The following TNRC18 variants were observed in gnomAD, a reference collection of about 807,000 sequenced individuals.
TNRC18 encodes the protein trinucleotide repeat-containing gene 18 protein.
Under a neutral mutation model 226.7 loss-of-function variants are expected in TNRC18, and 69 were observed. That is an observed-to-expected ratio of 0.30 (90% CI 0.25 to 0.37). The LOEUF (loss-of-function observed/expected upper bound fraction) is 0.37. Among genes scored for constraint, TNRC18 ranks in the 10% least tolerant of loss-of-function variants. The pLI, the probability that TNRC18 is intolerant of heterozygous loss-of-function variation, is 1.00. For missense variants in TNRC18, 4,754 were observed against 4,256.6 expected, an observed-to-expected ratio of 1.12 and a Z score of -3.25; for synonymous variants, 2,449 against 1,927.6, an observed-to-expected ratio of 1.27 and a Z score of -7.09.
At chr7:5,366,033 T>C (rs2128166770) in intron 11 of TNRC18, among the ~76,000 whole-genome samples, 1 of 152,228 alleles carries the variant, frequency 6.6e-6, no homozygotes, top group Admixed American at 6.5e-5. Context: ...AACCATATTC[T>C]CTATTGGCAG....
intron 3 of TNRC18, among the ~76,000 whole-genome samples, chr7:5,391,348 G>A (rs1466004878): frequency 2.0e-5 from 3 of 151,106 alleles, no homozygotes; most frequent in Admixed American, 2.0e-4. Flanking sequence ...GTCTTACTCT[G>A]TGGCCCAGGC....
chr7:5,360,356 A>G (rs1374192724), intron 14 of TNRC18, among the ~76,000 whole-genome samples: 3 of 151,804 alleles, frequency 2.0e-5, no homozygotes, highest in Admixed American at 6.6e-5. Context: ...CAGCCTCCCA[A>G]ATAGCTGGGA....
chr7:5,417,576 G>A (rs1220777782), intron 2 of TNRC18, among the ~76,000 whole-genome samples: 1 of 152,224 alleles, frequency 6.6e-6, no homozygotes, highest in Non-Finnish European at 1.5e-5. Context: ...AGAGACTTCT[G>A]TCTGTTGGGT....
chr7:5,331,712 C>T (rs774018328), intron 19 of TNRC18, among the ~76,000 whole-genome samples: 1 of 152,120 alleles, frequency 6.6e-6, no homozygotes, highest in East Asian at 1.9e-4. Flanking sequence ...GAGTTTGAGA[C>T]CAGCCTGGGC....
intron 11 of TNRC18, among the ~76,000 whole-genome samples, chr7:5,366,037 T>C (rs189192901): frequency 7.9e-5 from 12 of 152,210 alleles, no homozygotes; most frequent in South Asian, 2.1e-4. Flanking sequence ...ATATTCTCTA[T>C]TGGCAGTGTG....
intron 2 of TNRC18, among the ~76,000 whole-genome samples, chr7:5,419,531 T>C (rs1379228893): frequency 6.6e-6 from 1 of 152,006 alleles, no homozygotes; most frequent in Non-Finnish European, 1.5e-5. Context: ...ATGGTCTCTG[T>C]ACCCCAGGGC....
intron 3 of TNRC18, among the ~76,000 whole-genome samples, chr7:5,391,606 C>T (rs982970634): frequency 4.0e-5 from 6 of 151,802 alleles, no homozygotes; most frequent in African/African-American, 1.2e-4. Flanking sequence ...CCACCACATC[C>T]GGCTCAGAAT....
At chr7:5,311,427 T>C (rs1436284637) in intron 27 of TNRC18, among the ~76,000 whole-genome samples, 3 of 152,218 alleles carry the variant, frequency 2.0e-5, no homozygotes, top group African/African-American at 7.2e-5. Context: ...AGCTTCAATC[T>C]GGACTTTTGC....
chr7:5,379,960 G>T (rs1163675149), intron 5 of TNRC18, among the ~76,000 whole-genome samples: 1 of 152,202 alleles, frequency 6.6e-6, no homozygotes, highest in Non-Finnish European at 1.5e-5. Context: ...ACCGCCAGCT[G>T]CAATGTCAGG....
chr7:5,357,832 C>T (rs1049173124), intron 15 of TNRC18, among the ~76,000 whole-genome samples: 8 of 152,124 alleles, frequency 5.3e-5, no homozygotes, highest in Non-Finnish European at 1.0e-4. Flanking sequence ...GTCTGGGTAT[C>T]GCAAGGTGCT....
At chr7:5,364,702 G>T (rs1169047579) in intron 11 of TNRC18, among the ~76,000 whole-genome samples, 1 of 151,208 alleles carries the variant, frequency 6.6e-6, no homozygotes, top group East Asian at 1.9e-4. Context: ...TACTTGGGAG[G>T]CTGAGGCACC....
chr7:5,312,478 C>G lies in TNRC18; in HGVS notation c.8388+25G>C. On this transcript the variant is annotated intron_variant, in intron 27 of 29. Coordinates refer to ENST00000430969, the MANE Select transcript of TNRC18 (RefSeq NM_001080495.3). The surrounding 1 kb of genome is among the most constrained non-coding windows in gnomAD (Gnocchi z 6.3). ...GACACAAGGCCCCCGGCCCCTCGGCCGTGCCCGGGCGCGAGCTTGCTCACC... is the reference window on the plus strand; with the variant it reads ...GACACAAGGCCCCCGGCCCCTCGGCGGTGCCCGGGCGCGAGCTTGCTCACC... The G allele has an allele frequency of 6.2e-7, 1 of 1,606,548 alleles. No homozygotes were observed. The highest frequency in any genetic ancestry group is 8.5e-7 in the Non-Finnish European group (1 of 1,177,988).
rs1451886636 is a variant in TNRC18 at position 5,356,971 on chromosome 7, G to C, written c.5139C>G (p.Gly1713=). 5 of 1,552,068 alleles carry C rather than the reference G, an allele frequency of 3.2e-6. No homozygotes were observed. Among genetic ancestry groups the C allele is most frequent in the East Asian group, 2.4e-5 (1 of 40,922 alleles). ...RKMEVGFKAR[G]QPKSAHSPFA... Reference sequence around the variant, plus strand: ...ACGGGGAATGGGCCGACTTGGGCTGGCCTCTGGCCTTGAACCCCACCTCCA... The same window carrying C: ...ACGGGGAATGGGCCGACTTGGGCTGCCCTCTGGCCTTGAACCCCACCTCCA... The change falls in exon 16 of 30, where the codon GGC becomes GGG. Residue 1713 remains glycine (G), a synonymous_variant. Transcript: ENST00000430969.
Position 5,371,027 on chromosome 7 carries a change from G to T in TNRC18, c.3567C>A (p.Thr1189=). 2 of 1,609,450 alleles carry T rather than the reference G, an allele frequency of 1.2e-6. No individual in the cohort carries two copies. Among genetic ancestry groups the T allele is most frequent in the Non-Finnish European group, 1.7e-6 (2 of 1,179,692 alleles). The change falls in exon 11 of 30, where the codon ACC becomes ACA. Residue 1189 remains threonine, a synonymous_variant. Transcript: ENST00000430969. ...LPLPAAEAMA[T]PSPAGGCGGG... is the part of the protein sequence containing the mutation. ...CTCCACAACCCCCTGCAGGGCTGGG[G>T]GTAGCCATGGCTTCCGCGGCGGGCA...
chr7:5,374,881 C>T (rs1794500536), intron 9 of TNRC18, among the ~76,000 whole-genome samples: 1 of 152,252 alleles, frequency 6.6e-6, no homozygotes, highest in African/African-American at 2.4e-5. Flanking sequence ...CTTCCTGCTT[C>T]ACTGCGTCAT....
intron 18 of TNRC18, 45 bp downstream of exon 18, chr7:5,345,517 G>GCCCTCCCCCCC: frequency 2.6e-6 from 1 of 377,744 alleles, no homozygotes; most frequent in South Asian, 4.4e-5. Flanking sequence ...AATGGCGTCC[G>GCCCTCCCCCCC]CCCCTCCCAC....
intron 18 of TNRC18, 41 bp downstream of exon 18, chr7:5,345,521 C>CT: frequency 5.3e-6 from 1 of 189,874 alleles, no homozygotes; most frequent in Non-Finnish European, 1.1e-5. Flanking sequence ...GCGTCCGCCC[C>CT]TCCCACCCAC....
intron 2 of TNRC18, among the ~76,000 whole-genome samples, chr7:5,417,334 G>A (rs1007871730): frequency 1.3e-5 from 2 of 152,074 alleles, no homozygotes; most frequent in Non-Finnish European, 2.9e-5. Context: ...GCAGGGCATG[G>A]TGACACATGC....
chr7:5,369,048 G>A (rs566749089), intron 11 of TNRC18, among the ~76,000 whole-genome samples: 101 of 152,210 alleles, frequency 6.6e-4, no homozygotes, highest in African/African-American at 1.7e-3. Flanking sequence ...TTTGATGCCC[G>A]CAAAAAGCAT....
Sources: allele counts gnomAD v4.1 joint callset (sites outside exome capture counted in the v4.1 genomes callset), GRCh38; gene constraint gnomAD v4.1.1; non-coding constraint Gnocchi (gnomAD v3.1); transcripts MANE v1.5; gene names NCBI Gene and HGNC (gene_info 2026-07-23, HGNC 2026-07-21).